The following COL6A5 variants were observed in gnomAD, a reference collection of about 807,000 sequenced individuals.
COL6A5 encodes collagen type VI alpha 5 chain, also known as collagen alpha-5(VI) chain.
In COL6A5, 48 loss-of-function variants were observed where a neutral mutation model predicts 65.6. The observed-to-expected ratio is 0.73, with a 90% CI of 0.58 to 0.93. The LOEUF (loss-of-function observed/expected upper bound fraction) is 0.93, where lower values mean the gene tolerates loss of function less well. Ranked by LOEUF, COL6A5 falls within the 40% of genes least tolerant of loss-of-function variation. The pLI, the probability that COL6A5 is intolerant of heterozygous loss-of-function variation, is 0.00. For synonymous variants in COL6A5, 291 were observed against 322.8 expected (o/e 0.90, Z 1.05); for missense variants, 914 against 928.3 (o/e 0.98, Z 0.20).
intron 2 of COL6A5, among the ~76,000 whole-genome samples, chr3:130,375,951 A>G (rs972637822): frequency 1.3e-5 from 2 of 152,278 alleles, no homozygotes; most frequent in Admixed American, 1.3e-4. Flanking sequence ...CAGTCCAGTC[A>G]GGGACTTTCT....
At chr3:130,466,073 T>C (rs575005138) in intron 5 of COL6A5, among the ~76,000 whole-genome samples, 3 of 152,216 alleles carry the variant, frequency 2.0e-5, no homozygotes, top group East Asian at 3.9e-4. Flanking sequence ...AATCATTGAT[T>C]AAAAATCAGC....
chr3:130,410,752 A>G (rs1404608822), intron 20 of COL6A5, among the ~76,000 whole-genome samples: 2 of 152,128 alleles, frequency 1.3e-5, no homozygotes, highest in African/African-American at 4.8e-5. Flanking sequence ...CACTAGTATC[A>G]GTAGCACCAC....
At chr3:130,362,327 T>TATATACATATATATATATATATATATATA (rs58747372) in intron 1 of COL6A5, among the ~76,000 whole-genome samples, 2 of 3,168 alleles carry the variant, frequency 6.3e-4, no homozygotes, top group African/African-American at 1.7e-3. Context: ...TATATATATA[T>TATATACATATATATATATATATATATATA]TTTTTTTTTT....
chr3:130,484,844 G>C, exon 8 of COL6A5: 1 of 398,452 alleles, frequency 2.5e-6, no homozygotes, highest in Non-Finnish European at 4.4e-6. Context: ...GTCTGACTTG[G>C]AAGTTTGTTC....
At chr3:130,436,968 T>C (rs1559902876) in intron 1 of COL6A5, among the ~76,000 whole-genome samples, 1 of 152,188 alleles carries the variant, frequency 6.6e-6, no homozygotes, top group Non-Finnish European at 1.5e-5. Context: ...GCCTATTCAA[T>C]ACTTCCACTT....
chr3:130,478,608 G>A (rs1419469114), intron 7 of COL6A5, among the ~76,000 whole-genome samples: 1 of 152,006 alleles, frequency 6.6e-6, no homozygotes, highest in Non-Finnish European at 1.5e-5. Context: ...ACACAAAATG[G>A]CACATCTCTC....
chr3:130,470,654 A>T (rs1709927161), intron 6 of COL6A5, among the ~76,000 whole-genome samples: 1 of 152,086 alleles, frequency 6.6e-6, no homozygotes, highest in Non-Finnish European at 1.5e-5. Flanking sequence ...CAAATTTGTG[A>T]TAGAGCATTG....
chr3:130,453,804 T>C (rs981124834), intron 4 of COL6A5, among the ~76,000 whole-genome samples: 2 of 152,142 alleles, frequency 1.3e-5, no homozygotes, highest in African/African-American at 4.8e-5. Context: ...TCAGAGCAGA[T>C]AAGGTCTCTT....
intron 1 of COL6A5, among the ~76,000 whole-genome samples, chr3:130,438,092 G>C (rs959649283): frequency 6.6e-6 from 1 of 152,016 alleles, no homozygotes; most frequent in African/African-American, 2.4e-5. Context: ...TCGGCCTCCT[G>C]GTTCAAGCGA....
At chr3:130,376,303 CA>C (rs1935766794) in exon 3 of COL6A5, 6 of 1,613,536 alleles carry the variant, frequency 3.7e-6, no homozygotes, top group Non-Finnish European at 5.1e-6. Context: ...GGACCTAAGT[CA>C]TTCCCATTCG....
exon 3 of COL6A5, chr3:130,376,713 A>C (rs768028937): frequency 6.8e-6 from 11 of 1,613,736 alleles, no homozygotes; most frequent in Non-Finnish European, 9.3e-6. Context: ...GGCCATGGCC[A>C]CATCCCATTT....
intron 3 of COL6A5, among the ~76,000 whole-genome samples, chr3:130,377,652 C>T (rs980766426): frequency 3.3e-5 from 5 of 152,150 alleles, no homozygotes; most frequent in East Asian, 3.9e-4. Flanking sequence ...GCAAAGACTT[C>T]GGAGTCAGGA....
intron 4 of COL6A5, among the ~76,000 whole-genome samples, chr3:130,444,628 A>G (rs1344259240): frequency 1.3e-5 from 2 of 152,132 alleles, no homozygotes; most frequent in Non-Finnish European, 2.9e-5. Flanking sequence ...ATTTTGAGGC[A>G]GGATTCTTTG....
rs1247626682 is a variant in COL6A5 at position 130,384,757 on chromosome 3, G to A, written c.1301-47G>A. The A allele has an allele frequency of 5.6e-6, 8 of 1,437,498 alleles. No homozygotes were observed. The East Asian group carries it at 7.4e-5, about 13-fold the overall frequency. The allele number at this position is 1,437,498 out of a possible 1,614,324, so 89.0% of individuals were successfully genotyped here. A position where few individuals can be genotyped will look rare whatever the true frequency, so the allele number is the denominator to read the frequency against. ...GTTCCTTCACAAACCCTCTTGCAAA[G>A]TTCTCTCTAGGTTCTCTAATTTACA... On this transcript the variant is annotated intron_variant and NMD_transcript_variant, in intron 4 of 41. Transcript: ENST00000312481.
chr3:130,376,863 G>T (rs1331344195), intron 3 of COL6A5, 27 bp downstream of exon 3: 15 of 1,576,906 alleles, frequency 9.5e-6, no homozygotes, highest in Middle Eastern at 3.4e-4. Flanking sequence ...TTGAAGAGGT[G>T]CCTGATCCCC....
Position 130,464,901 on chromosome 3 carries a change from T to A in COL6A5, c.1545-3894T>A, listed in dbSNP as rs372006468. ...TATATATGACCAGTTCTTAGTCCTT[T>A]GCAAGAAGCAAAAGAAGCATCTCAA... On this transcript the variant is annotated intron_variant, in intron 5 of 7. Transcript: ENST00000512836. Among the ~76,000 whole-genome samples the A allele has an allele frequency of 3.8e-4, 58 of 152,232 alleles. 1 individual carries two copies. The South Asian group carries it at 9.8e-3, about 26-fold the overall frequency.
At position 130,410,638 on chromosome 3, in the gene COL6A5, G is replaced by A. The variant is rs965238119; in HGVS notation, c.4662+114G>A. The A allele has an allele frequency of 3.8e-5, 33 of 859,626 alleles. No homozygotes were observed. In the African/African-American group the frequency reaches 5.5e-4, roughly 14 times the overall value. The allele number at this position is 859,626 out of a possible 1,614,324, so 53.2% of individuals were successfully genotyped here. A position where few individuals can be genotyped will look rare whatever the true frequency, so the allele number is the denominator to read the frequency against. On this transcript the variant is annotated intron_variant and NMD_transcript_variant, in intron 20 of 41. Transcript: ENST00000312481. ...ATTCAGGGCTGAAATATTTTTCAGGGCTTCTCCATCTTGACACTACTGAAA... is the reference window on the plus strand; with the variant it reads ...ATTCAGGGCTGAAATATTTTTCAGGACTTCTCCATCTTGACACTACTGAAA...
chr3:130,378,021 G>T (rs1252253624), intron 3 of COL6A5, among the ~76,000 whole-genome samples: 1 of 152,120 alleles, frequency 6.6e-6, no homozygotes, highest in African/African-American at 2.4e-5. Context: ...TGCCTTCTAA[G>T]AACTCACAGA....
intron 22 of COL6A5, among the ~76,000 whole-genome samples, chr3:130,414,672 G>A (rs1036883326): frequency 7.2e-5 from 11 of 152,112 alleles, no homozygotes; most frequent in African/African-American, 2.4e-4. Context: ...TGTGACAGAA[G>A]GGGAAGCTGT....
Sources: gnomAD v4.1 joint callset for allele counts (sites outside exome capture counted in the v4.1 genomes callset) on GRCh38, gnomAD v4.1.1 for gene constraint, MANE v1.5 for transcripts, NCBI Gene and HGNC (gene_info 2026-07-23, HGNC 2026-07-21) for gene names.